The following DNER variants were observed in gnomAD, a reference collection of about 807,000 sequenced individuals.
DNER encodes delta/notch like EGF repeat containing, also known as delta and Notch-like epidermal growth factor-related receptor.
A neutral mutation model predicts 78.2 loss-of-function variants in DNER; 33 were observed. That is an observed-to-expected ratio of 0.42 (90% confidence interval 0.32 to 0.56). DNER has a LOEUF of 0.56. DNER is among the 20% of genes least tolerant of loss of function. DNER has a pLI of 0.11. For synonymous variants in DNER, 417 were observed against 384.8 expected (o/e 1.08, Z -0.98); for missense variants, 918 against 975.3 (o/e 0.94, Z 0.78).
intron 4 of DNER, among the ~76,000 whole-genome samples, chr2:229,567,919 T>C (rs1212881759): frequency 6.6e-6 from 1 of 152,206 alleles, no homozygotes; most frequent in Non-Finnish European, 1.5e-5. Flanking sequence ...CTTTCTGTAA[T>C]AGTCAATGCA....
At chr2:229,641,040 T>A (rs1441901554) in intron 1 of DNER, among the ~76,000 whole-genome samples, 2 of 151,830 alleles carry the variant, frequency 1.3e-5, no homozygotes, top group African/African-American at 4.8e-5. Flanking sequence ...TGGGAGAAAA[T>A]AAAGCCTTAA....
intron 6 of DNER, among the ~76,000 whole-genome samples, chr2:229,486,747 T>A (rs1377179378): frequency 1.3e-5 from 2 of 152,232 alleles, no homozygotes; most frequent in Non-Finnish European, 2.9e-5. Context: ...TATGCCAATA[T>A]TTTTGGATCT....
At chr2:229,696,927 G>A (rs1039363860) in intron 1 of DNER, among the ~76,000 whole-genome samples, 2 of 152,168 alleles carry the variant, frequency 1.3e-5, no homozygotes. Context: ...CAGATGGAAA[G>A]CCATCTGGTA....
At chr2:229,421,538 C>A (rs1254644420) in intron 8 of DNER, among the ~76,000 whole-genome samples, 2 of 149,178 alleles carry the variant, frequency 1.3e-5, no homozygotes, top group South Asian at 2.1e-4. Flanking sequence ...ATCTATATCT[C>A]TATATCTATA....
At chr2:229,563,615 A>T (rs1697019197) in intron 4 of DNER, among the ~76,000 whole-genome samples, 1 of 146,230 alleles carries the variant, frequency 6.8e-6, no homozygotes, top group Admixed American at 6.8e-5. Flanking sequence ...CACCATCATC[A>T]TCATCACCCC....
chr2:229,644,375 A>C (rs1698677623), intron 1 of DNER, among the ~76,000 whole-genome samples: 2 of 117,172 alleles, frequency 1.7e-5, no homozygotes, highest in South Asian at 2.5e-4. Context: ...CTGGAGTCTC[A>C]CTGTGTCTCC....
chr2:229,393,651 T>C (rs1021052113), intron 10 of DNER, among the ~76,000 whole-genome samples: 1 of 151,716 alleles, frequency 6.6e-6, no homozygotes, highest in Non-Finnish European at 1.5e-5. Context: ...ATCGAGACCA[T>C]CCTGGCTAAC....
chr2:229,659,768 AC>A (rs1300869704), intron 1 of DNER, among the ~76,000 whole-genome samples: 1 of 152,134 alleles, frequency 6.6e-6, no homozygotes, highest in East Asian at 1.9e-4. Flanking sequence ...TAATAGGATA[AC>A]CTGTACTCTA....
intron 1 of DNER, among the ~76,000 whole-genome samples, chr2:229,666,261 C>A (rs1373658111): frequency 6.6e-6 from 1 of 152,174 alleles, no homozygotes; most frequent in East Asian, 1.9e-4. Flanking sequence ...GGGTGGTCAC[C>A]ATCACACGAG....
chr2:229,410,931 CTA>C (rs1291141036), intron 9 of DNER, among the ~76,000 whole-genome samples: 1 of 152,234 alleles, frequency 6.6e-6, no homozygotes, highest in Non-Finnish European at 1.5e-5. Flanking sequence ...CTTACTTCCT[CTA>C]TGAAAACTTT....
At chr2:229,602,173 C>T (rs541505286) in intron 1 of DNER, among the ~76,000 whole-genome samples, 1 of 152,080 alleles carries the variant, frequency 6.6e-6, no homozygotes, top group Non-Finnish European at 1.5e-5. Context: ...TCGACTTCTG[C>T]CTCTTTCGTA....
chr2:229,562,457 T>C (rs945785854), intron 4 of DNER, among the ~76,000 whole-genome samples: 7 of 152,214 alleles, frequency 4.6e-5, no homozygotes, highest in African/African-American at 1.4e-4. Flanking sequence ...CATATAAACA[T>C]GTATATTCTA....
intron 1 of DNER, among the ~76,000 whole-genome samples, chr2:229,706,376 C>T (rs1326333591): frequency 6.8e-6 from 1 of 147,574 alleles, no homozygotes; most frequent in Admixed American, 6.8e-5. Flanking sequence ...CATAGCAAAA[C>T]CTCATCTCTA....
At chr2:229,520,410 AC>A (rs934260154) in intron 5 of DNER, among the ~76,000 whole-genome samples, 2 of 151,836 alleles carry the variant, frequency 1.3e-5, no homozygotes, top group South Asian at 2.1e-4. Context: ...TTGCTAAAGG[AC>A]CCCCCAGGCC....
intron 10 of DNER, among the ~76,000 whole-genome samples, chr2:229,394,415 G>A (rs1159073211): frequency 6.6e-6 from 1 of 152,194 alleles, no homozygotes; most frequent in East Asian, 1.9e-4. Flanking sequence ...ATTTCTTTCT[G>A]ATAAACTGGA....
chr2:229,464,075 G>T (rs943050573), intron 7 of DNER, among the ~76,000 whole-genome samples: 3 of 152,172 alleles, frequency 2.0e-5, no homozygotes, highest in Non-Finnish European at 2.9e-5. Flanking sequence ...TTTTCCAACT[G>T]GGCCTGAAAG....
intron 1 of DNER, among the ~76,000 whole-genome samples, chr2:229,667,999 A>G (rs1471710465): frequency 6.6e-6 from 1 of 152,190 alleles, no homozygotes; most frequent in Non-Finnish European, 1.5e-5. Flanking sequence ...GTTGTAGCTA[A>G]CAAAATAGAT....
At chr2:229,482,511 G>A (rs951831899) in intron 6 of DNER, among the ~76,000 whole-genome samples, 4 of 152,100 alleles carry the variant, frequency 2.6e-5, no homozygotes, top group Non-Finnish European at 4.4e-5. Flanking sequence ...TCCTGCCACC[G>A]ACCACCGTGC....
At chr2:229,391,054 C>T (rs1693004391) in intron 10 of DNER, among the ~76,000 whole-genome samples, 1 of 152,072 alleles carries the variant, frequency 6.6e-6, no homozygotes, top group African/African-American at 2.4e-5. Context: ...TGATGGAGCC[C>T]CTCAAGGGAG....
Sources: gnomAD v4.1 joint callset for allele counts (sites outside exome capture counted in the v4.1 genomes callset) on GRCh38, gnomAD v4.1.1 for gene constraint, MANE v1.5 for transcripts, NCBI Gene and HGNC (gene_info 2026-07-23, HGNC 2026-07-21) for gene names.